TTC28: variants seen among roughly 807,000 people sequenced by gnomAD.
TTC28 encodes tetratricopeptide repeat domain 28.
A neutral mutation model predicts 198.0 loss-of-function variants in TTC28; 61 were observed. That is an observed-to-expected ratio of 0.31 (90% CI 0.25 to 0.38). The LOEUF (loss-of-function observed/expected upper bound fraction) is 0.38, where lower values mean the gene tolerates loss of function less well. Ranked by LOEUF, TTC28 falls within the 10% of genes least tolerant of loss-of-function variation. The pLI is 1.00. For missense variants in TTC28, 2,678 were observed against 3,164.0 expected, an observed-to-expected ratio of 0.85 and a Z score of 3.69; for synonymous variants, 1,171 against 1,297.8, an observed-to-expected ratio of 0.90 and a Z score of 2.10.
intron 2 of TTC28, among the ~76,000 whole-genome samples, chr22:28,581,730 G>C (rs1448459110): frequency 2.0e-5 from 3 of 152,144 alleles, no homozygotes; most frequent in African/African-American, 7.2e-5. Context: ...AGCCTAGGCT[G>C]GTGAGACCCC....
In TTC28 at chr22:28,015,234, G is replaced by T. The variant is rs566606391; in HGVS notation, c.4074-842C>A. 9.9e-5 allele frequency among the ~76,000 whole-genome samples: 15 copies of T among 152,142 alleles called. No homozygotes were observed. In the East Asian group the frequency reaches 1.4e-3, roughly 14 times the overall value. On this transcript the variant is annotated intron_variant, in intron 13 of 22. Transcript: ENST00000397906. The stretch of plus-strand genomic sequence containing the variant: ...AGTGAGCAGAAGAGATACAGGAAGG[G>T]GAAATGAGTCCATTTCCAATGCAGC...
chr22:28,351,375 AAAG>A (rs1285869543), intron 2 of TTC28, among the ~76,000 whole-genome samples: 3 of 152,166 alleles, frequency 2.0e-5, no homozygotes, highest in Non-Finnish European at 2.9e-5. Flanking sequence ...ACCAAAACAA[AAAG>A]AAGATCATAT....
chr22:28,001,659 G>A, intron 14 of TTC28, 106 bp from the exon 15 acceptor site: 1 of 1,340,254 alleles, frequency 7.5e-7, no homozygotes, highest in South Asian at 1.4e-5. Context: ...GCACGAGCAG[G>A]TGAGGCCTGT....
Position 27,998,753 on chromosome 22 carries a change from C to T in TTC28, c.4906G>A (p.Asp1636Asn), listed in dbSNP as rs528306018. 81 of 1,550,740 alleles carry T rather than the reference C, an allele frequency of 5.2e-5. No individual in the cohort carries two copies. Among genetic ancestry groups the T allele is most frequent in the Non-Finnish European group, 6.0e-5 (69 of 1,147,000 alleles). The change falls in exon 16 of 23, where the codon GAC (aspartate) becomes AAC (asparagine). Residue 1636 changes from aspartate to asparagine, a missense_variant. This residue lies in a region of TTC28 where 314 missense variants were observed against 442.7 expected (regional missense o/e 0.71). Transcript: ENST00000397906. ...GCCCTTGTCAGCGCGATGACCCCGT[C>T]GGCTGTGACTTTGCTGTTGGACTCC... ...SQESNSKVTA[D>N]GVIALTRAFL... is the part of the protein sequence containing the mutation.
At chr22:28,548,596 T>C (rs555688850) in intron 2 of TTC28, among the ~76,000 whole-genome samples, 5 of 152,298 alleles carry the variant, frequency 3.3e-5, no homozygotes, top group Non-Finnish European at 5.9e-5. Flanking sequence ...TCTGAGCAAA[T>C]AGCCGAGAGG....
intron 2 of TTC28, among the ~76,000 whole-genome samples, chr22:28,370,278 C>T (rs1477132335): frequency 6.6e-6 from 1 of 152,186 alleles, no homozygotes; most frequent in Admixed American, 6.5e-5. Flanking sequence ...CATACTATTT[C>T]CTCCTTTCTC....
chr22:28,156,552 T>C (rs866338931), intron 6 of TTC28, among the ~76,000 whole-genome samples: 1 of 152,194 alleles, frequency 6.6e-6, no homozygotes, highest in Non-Finnish European at 1.5e-5. Flanking sequence ...CTAAGGCAGA[T>C]GGCAAGAGGA....
At chr22:28,090,567 T>G (rs1055890524) in intron 12 of TTC28, among the ~76,000 whole-genome samples, 1 of 152,166 alleles carries the variant, frequency 6.6e-6, no homozygotes, top group Admixed American at 6.5e-5. Context: ...TAATAAAGAA[T>G]TTTGAGACCA....
chr22:28,653,379 C>T (rs1004448431), intron 1 of TTC28, among the ~76,000 whole-genome samples: 9 of 151,856 alleles, frequency 5.9e-5, no homozygotes, highest in African/African-American at 1.9e-4. Context: ...GGTGTGAGTC[C>T]GTAGTCCCAG....
At chr22:28,488,239 G>A (rs1173897354) in intron 2 of TTC28, among the ~76,000 whole-genome samples, 3 of 152,072 alleles carry the variant, frequency 2.0e-5, no homozygotes, top group Non-Finnish European at 1.5e-5. Flanking sequence ...ATGTAGACCT[G>A]CACCCTTCAG....
chr22:28,674,331 T>TTTGTC (rs2051942846), intron 1 of TTC28, among the ~76,000 whole-genome samples: 1 of 148,794 alleles, frequency 6.7e-6, no homozygotes, highest in Admixed American at 6.8e-5. Context: ...TTTGATTGGG[T>TTTGTC]TTGTCTGTTT....
chr22:27,992,765 G>T (rs2146524517), intron 18 of TTC28, 102 bp from the exon 19 acceptor site: 1 of 1,123,182 alleles, frequency 8.9e-7, no homozygotes, highest in Non-Finnish European at 1.3e-6. Flanking sequence ...GGCATCGGTG[G>T]CATTTTTCAG....
chr22:28,542,172 A>G, intron 2 of TTC28, among the ~76,000 whole-genome samples: 1 of 152,272 alleles, frequency 6.6e-6, no homozygotes, highest in East Asian at 1.9e-4. Context: ...TTTTTTTAAT[A>G]AAAAATAAAA....
At chr22:28,317,521 T>C (rs2045371400) in intron 2 of TTC28, among the ~76,000 whole-genome samples, 1 of 152,224 alleles carries the variant, frequency 6.6e-6, no homozygotes, top group Non-Finnish European at 1.5e-5. Flanking sequence ...TATTAGGACC[T>C]GTCCTTCATA....
chr22:28,440,725 A>C (rs575524884), intron 2 of TTC28, among the ~76,000 whole-genome samples: 27 of 152,220 alleles, frequency 1.8e-4, no homozygotes, highest in Non-Finnish European at 2.9e-4. Context: ...TATCACTACA[A>C]ATGTGTTAGC....
chr22:28,653,073 TG>T (rs766738775), intron 1 of TTC28, among the ~76,000 whole-genome samples: 4 of 152,328 alleles, frequency 2.6e-5, no homozygotes, highest in Non-Finnish European at 4.4e-5. Flanking sequence ...TATTTTAAGC[TG>T]AAGACATTTG....
At position 27,992,721 on chromosome 22, in the gene TTC28, G is replaced by T. The variant is rs1403397612; in HGVS notation, c.5477-58C>A. On this transcript the variant is annotated intron_variant, in intron 18 of 22. Coordinates refer to ENST00000397906, the MANE Select transcript of TTC28 (RefSeq NM_001145418.2). ...GAAGGGCCTCTGCACCCAAAAGCCTGCCACCTTCCCAGGGGAAAGAACCCT... is the reference window on the plus strand; with the variant it reads ...GAAGGGCCTCTGCACCCAAAAGCCTTCCACCTTCCCAGGGGAAAGAACCCT... The T allele has an allele frequency of 2.5e-5, 38 of 1,499,080 alleles. No homozygotes were observed. In the East Asian group the frequency reaches 8.8e-4, roughly 35 times the overall value. The allele number at this position is 1,499,080 out of a possible 1,614,324, so 92.9% of individuals were successfully genotyped here.
intron 5 of TTC28, among the ~76,000 whole-genome samples, chr22:28,201,751 C>CAAAAAAAAAAAAAAAAAAAA (rs34790960): frequency 3.1e-4 from 25 of 81,008 alleles, no homozygotes; most frequent in African/African-American, 1.2e-3. Context: ...TTACAGAAAG[C>CAAAAAAAAAAAAAAAAAAAA]AAAAAAAAAA....
intron 2 of TTC28, among the ~76,000 whole-genome samples, chr22:28,478,905 G>A (rs905383438): frequency 3.3e-5 from 5 of 152,104 alleles, no homozygotes; most frequent in African/African-American, 9.7e-5. Context: ...CTCATTTATT[G>A]TCTTCTCAGG....
Sources: gnomAD v4.1 joint callset for allele counts (sites outside exome capture counted in the v4.1 genomes callset) on GRCh38, gnomAD v4.1.1 for gene constraint, gnomAD v4.1.1 regional missense constraint, MANE v1.5 for transcripts, NCBI Gene and HGNC (gene_info 2026-07-23, HGNC 2026-07-21) for gene names.